The following GNAI1 variants were observed in gnomAD, a reference collection of about 807,000 sequenced individuals.
The protein encoded by GNAI1 is G protein subunit alpha i1.
GNAI1 carries 11 observed loss-of-function variants against 38.9 expected under a neutral mutation model. The ratio of observed to expected loss-of-function variants is 0.28; its 90% CI spans 0.18 to 0.47. The LOEUF (loss-of-function observed/expected upper bound fraction) is 0.47, where lower values mean the gene tolerates loss of function less well. Ranked by LOEUF, GNAI1 falls within the 20% of genes least tolerant of loss-of-function variation. GNAI1 has a pLI of 0.99. For missense variants in GNAI1, 317 were observed against 436.9 expected (o/e 0.73, Z 2.45); for synonymous variants, 166 against 145.1 (o/e 1.14, Z -1.04).
chr7:80,207,653 A>G (rs554225959), intron 5 of GNAI1, among the ~76,000 whole-genome samples: 3 of 152,268 alleles, frequency 2.0e-5, no homozygotes, highest in South Asian at 2.1e-4. Flanking sequence ...GCAGAAATGC[A>G]TTTAGAATAA....
At chr7:80,154,725 G>A (rs1267942624) in intron 1 of GNAI1, among the ~76,000 whole-genome samples, 2 of 152,064 alleles carry the variant, frequency 1.3e-5, no homozygotes, top group Non-Finnish European at 2.9e-5. Context: ...GTATATTTAA[G>A]AGAAAACTAT....
At chr7:80,203,879 A>G (rs1264958067) in intron 5 of GNAI1, 47 bp downstream of exon 5, 4 of 1,087,472 alleles carry the variant, frequency 3.7e-6, no homozygotes, top group Non-Finnish European at 5.3e-6. Flanking sequence ...ATAAAAACAC[A>G]TTGCTTTAGA....
chr7:80,224,818 A>C lies in GNAI1; in HGVS notation c.*7325A>C, dbSNP rs1789132638. ...CAAGAGTTCAGATACACAGAATTTAAAAATTACATGTTGAACTGATTTGTG... is the reference window on the plus strand; with the variant it reads ...CAAGAGTTCAGATACACAGAATTTACAAATTACATGTTGAACTGATTTGTG... On this transcript the variant is annotated 3_prime_UTR_variant, in exon 8 of 8. Transcript: ENST00000649796. Among the ~76,000 whole-genome samples, 1 of 152,230 alleles carries C rather than the reference A, an allele frequency of 6.6e-6. No individual in the cohort carries two copies. Among genetic ancestry groups the C allele is most frequent in the Non-Finnish European group, 1.5e-5 (1 of 68,044 alleles).
At chr7:80,156,684 G>T (rs573488478) in intron 1 of GNAI1, among the ~76,000 whole-genome samples, 1 of 152,164 alleles carries the variant, frequency 6.6e-6, no homozygotes, top group East Asian at 1.9e-4. Flanking sequence ...CCCTCTTATC[G>T]CAGCCTTCCA....
intron 1 of GNAI1, among the ~76,000 whole-genome samples, chr7:80,164,851 T>G (rs1330035472): frequency 6.6e-6 from 1 of 151,246 alleles, no homozygotes; most frequent in Non-Finnish European, 1.5e-5. Flanking sequence ...AATAGCTGAT[T>G]GACATTTCAG....
At chr7:80,215,187 C>T (rs1404594426) in intron 7 of GNAI1, among the ~76,000 whole-genome samples, 2 of 152,046 alleles carry the variant, frequency 1.3e-5, no homozygotes, top group South Asian at 2.1e-4. Context: ...CTCTCCTGTC[C>T]CTGCTTTGCC....
At position 80,222,643 on chromosome 7, in the gene GNAI1, G is replaced by A. The variant is rs564788833; in HGVS notation, c.*5150G>A. On this transcript the variant is annotated 3_prime_UTR_variant, in exon 8 of 8. Transcript: ENST00000649796. Reference sequence around the variant, plus strand: ...CTCAGGTAATCCGCCCACCTCGGCCGCCCAAAGTGCTGGGATTACAGGTGT... The same window carrying A: ...CTCAGGTAATCCGCCCACCTCGGCCACCCAAAGTGCTGGGATTACAGGTGT... Among the ~76,000 whole-genome samples, 93 of 151,874 alleles carry A rather than the reference G, an allele frequency of 6.1e-4. No individual in the cohort carries two copies. Among genetic ancestry groups the A allele is most frequent in the African/African-American group, 2.1e-3 (87 of 41,388 alleles).
chr7:80,186,069 G>A (rs959578836), intron 1 of GNAI1, among the ~76,000 whole-genome samples: 2 of 122,790 alleles, frequency 1.6e-5, no homozygotes, highest in Non-Finnish European at 3.2e-5. Context: ...GTCTCACTCT[G>A]TTGCCCAGGC....
chr7:80,143,937 T>G (rs1396513729), intron 1 of GNAI1, among the ~76,000 whole-genome samples: 4 of 151,922 alleles, frequency 2.6e-5, no homozygotes, highest in African/African-American at 9.7e-5. Flanking sequence ...CGTGTGTGTA[T>G]CTATATGTGT....
chr7:80,207,790 A>G (rs1036598073), intron 5 of GNAI1, among the ~76,000 whole-genome samples: 30 of 152,094 alleles, frequency 2.0e-4, no homozygotes. Flanking sequence ...GTATTAACAA[A>G]TTCAAAATGA....
chr7:80,168,743 A>T (rs956892818), intron 1 of GNAI1, among the ~76,000 whole-genome samples: 1 of 152,182 alleles, frequency 6.6e-6, no homozygotes, highest in African/African-American at 2.4e-5. Context: ...GTTCACCATC[A>T]CCAGTGTCCA....
chr7:80,152,705 C>T (rs996481445), intron 1 of GNAI1, among the ~76,000 whole-genome samples: 6 of 151,710 alleles, frequency 4.0e-5, no homozygotes, highest in South Asian at 2.1e-4. Flanking sequence ...GGACTACAGG[C>T]GCCTGCCACC....
At position 80,135,285 on chromosome 7, in the gene GNAI1, G is replaced by C. The variant is rs144652330; in HGVS notation, c.118+7G>C. The C allele has an allele frequency of 5.5e-4, 794 of 1,452,138 alleles. 3 individuals are homozygous for C. In the African/African-American group the frequency reaches 0.011, roughly 20 times the overall value. 90.0% of individuals were successfully genotyped at this position (1,452,138 alleles called of 1,614,324 possible). A position where few individuals can be genotyped will look rare whatever the true frequency, so the allele number is the denominator to read the frequency against. On this transcript the variant is annotated splice_region_variant and intron_variant, in intron 1 of 7. Transcript: ENST00000649796. ...GTCAAGCTGCTGCTGCTCGGTAAGG[G>C]CGGCCGGGTCGGGGCCCGGGGGTCG...
Position 80,154,689 on chromosome 7 carries a change from A to T in GNAI1, c.118+19411A>T, listed in dbSNP as rs56410070. ...TCATCTTTTATAGTTGGTTTTCTTT[A>T]TATTAAAGGAAATGATGTGCACATT... On this transcript the variant is annotated intron_variant, in intron 1 of 7. Transcript: ENST00000649796. 8.2e-3 allele frequency among the ~76,000 whole-genome samples: 1,242 copies of T among 152,290 alleles called. 26 individuals are homozygous for T. The highest frequency in any genetic ancestry group is 0.029 in the African/African-American group (1,201 of 41,562).
At chr7:80,135,738 A>G in intron 1 of GNAI1, 7 of 962,152 alleles carry the variant, frequency 7.3e-6, no homozygotes, top group Non-Finnish European at 8.5e-6. Flanking sequence ...TCTCATGCCC[A>G]GAGTGCCACG....
Position 80,222,512 on chromosome 7 carries a change from C to G in GNAI1, c.*5019C>G, listed in dbSNP as rs1035782493. On this transcript the variant is annotated 3_prime_UTR_variant, in exon 8 of 8. Coordinates refer to ENST00000649796, the MANE Select transcript of GNAI1 (RefSeq NM_002069.6). ...AAGCAATTCTCCTGCCTCAGGTTCC[C>G]GAGTAGCTGGGATTACAGGCATGCG... is the stretch of plus-strand genomic sequence containing the variant. Among the ~76,000 whole-genome samples the G allele has an allele frequency of 1.3e-5, 2 of 151,482 alleles. No homozygotes were observed. Among genetic ancestry groups the G allele is most frequent in the African/African-American group, 4.8e-5 (2 of 41,256 alleles).
At chr7:80,185,629 TACTACG>T (rs1788373222) in intron 1 of GNAI1, among the ~76,000 whole-genome samples, 1 of 152,146 alleles carries the variant, frequency 6.6e-6, no homozygotes, top group Non-Finnish European at 1.5e-5. Context: ...TCGGTGGCCC[TACTACG>T]ATTAAACTTC....
At chr7:80,197,063 T>C (rs1156583689) in intron 3 of GNAI1, among the ~76,000 whole-genome samples, 1 of 151,828 alleles carries the variant, frequency 6.6e-6, no homozygotes, top group Non-Finnish European at 1.5e-5. Flanking sequence ...ATTCTTTCAA[T>C]ATGTCTCTCT....
intron 1 of GNAI1, among the ~76,000 whole-genome samples, chr7:80,143,927 C>CGT (rs10665723): frequency 6.6e-5 from 10 of 151,420 alleles, no homozygotes; most frequent in Non-Finnish European, 1.0e-4. Context: ...TGTGTGCGCG[C>CGT]GTGTGTGTAT....
Sources: gnomAD v4.1 joint callset for allele counts (sites outside exome capture counted in the v4.1 genomes callset) on GRCh38, gnomAD v4.1.1 for gene constraint, MANE v1.5 for transcripts, NCBI Gene and HGNC (gene_info 2026-07-23, HGNC 2026-07-21) for gene names.